BLK: variants seen among roughly 807,000 people sequenced by gnomAD.
BLK encodes the protein BLK proto-oncogene, Src family tyrosine kinase, also known as tyrosine-protein kinase Blk.
In BLK, 64 loss-of-function variants were observed where a neutral mutation model predicts 61.8. The observed-to-expected ratio is 1.03, with a 90% CI of 0.85 to 1.27. BLK has a LOEUF of 1.27. Ranked by LOEUF, BLK falls within the 50% of genes most tolerant of loss-of-function variation. The pLI is 0.00. For synonymous variants in BLK, 351 were observed against 272.0 expected (o/e 1.29, Z -2.86); for missense variants, 853 against 660.5 (o/e 1.29, Z -3.19).
chr8:11,512,921 C>A (rs1799073624), intron 1 of BLK, among the ~76,000 whole-genome samples: 1 of 152,216 alleles, frequency 6.6e-6, no homozygotes, highest in Admixed American at 6.5e-5. Flanking sequence ...CCCGCTTCGG[C>A]CTCCCAGACT....
intron 11 of BLK, among the ~76,000 whole-genome samples, chr8:11,561,826 A>ATTT (rs71203399): frequency 2.7e-5 from 4 of 146,138 alleles, no homozygotes; most frequent in Non-Finnish European, 3.0e-5. Context: ...TCCAAATACT[A>ATTT]TTTTTTTTTT....
chr8:11,536,998 G>A (rs538363051), intron 1 of BLK, among the ~76,000 whole-genome samples: 1 of 152,126 alleles, frequency 6.6e-6, no homozygotes, highest in African/African-American at 2.4e-5. Context: ...ATAGTTCATG[G>A]TTGACAGCAA....
In BLK at chr8:11,543,215, C is replaced by A; in HGVS notation, c.-1-9C>A. The A allele has an allele frequency of 6.2e-7, 1 of 1,613,726 alleles. No individual in the cohort carries two copies. The stretch of plus-strand genomic sequence containing the variant: ...CTCATGTCCTCTGTCTGCTGTGTGT[C>A]TCCGACAGGATGGGGCTGGTAAGTA... On this transcript the variant is annotated splice_polypyrimidine_tract_variant and intron_variant, in intron 1 of 12. Coordinates refer to ENST00000259089, the MANE Select transcript of BLK (RefSeq NM_001715.3).
chr8:11,527,852 G>C (rs909010829), intron 1 of BLK, among the ~76,000 whole-genome samples: 3 of 152,004 alleles, frequency 2.0e-5, no homozygotes, highest in Non-Finnish European at 4.4e-5. Flanking sequence ...AAATGGGGGA[G>C]TCAGAAATCT....
chr8:11,555,337 G>C lies in BLK; in HGVS notation c.625G>C (p.Gly209Arg). ...TCTTTTCTTCCCTAATGCAGAGAAGGGGGATGGTCTATGCCAGAGGCTGAC... is the reference window on the plus strand; with the variant it reads ...TCTTTTCTTCCCTAATGCAGAGAAGCGGGATGGTCTATGCCAGAGGCTGAC... ...QALVQHYSKK[G>R]DGLCQRLTLP... Residue 209 changes from glycine to arginine, a missense_variant, in exon 8 of 13, where the codon GGG becomes CGG. By Grantham distance (125) the Gly-to-Arg change is moderately radical (BLOSUM62 -2). Coordinates refer to ENST00000259089, the MANE Select transcript of BLK (RefSeq NM_001715.3). The C allele has an allele frequency of 6.2e-7, 1 of 1,614,078 alleles. No homozygotes were observed. Among genetic ancestry groups the C allele is most frequent in the Non-Finnish European group, 8.5e-7 (1 of 1,180,022 alleles).
chr8:11,530,162 G>C (rs1799828386), intron 1 of BLK, among the ~76,000 whole-genome samples: 1 of 152,026 alleles, frequency 6.6e-6, no homozygotes, highest in Non-Finnish European at 1.5e-5. Flanking sequence ...TTTCTAACTG[G>C]CTTTGCTGGA....
At chr8:11,531,337 G>A (rs1012754201) in intron 1 of BLK, among the ~76,000 whole-genome samples, 1 of 151,926 alleles carries the variant, frequency 6.6e-6, no homozygotes. Flanking sequence ...AATTTTTCTT[G>A]TATACTTTAT....
chr8:11,532,875 G>A (rs1799946445), intron 1 of BLK, among the ~76,000 whole-genome samples: 1 of 152,252 alleles, frequency 6.6e-6, no homozygotes, highest in Non-Finnish European at 1.5e-5. Flanking sequence ...GTGGCACACT[G>A]TTAAGTTACC....
intron 1 of BLK, among the ~76,000 whole-genome samples, chr8:11,528,268 C>T (rs1799750088): frequency 6.6e-6 from 1 of 152,144 alleles, no homozygotes. Flanking sequence ...AACTCCTGAG[C>T]TCAAGTGATC....
intron 1 of BLK, among the ~76,000 whole-genome samples, chr8:11,500,620 A>G (rs896292071): frequency 2.6e-5 from 4 of 151,006 alleles, no homozygotes; most frequent in Admixed American, 2.6e-4. Context: ...AGCTCAGGCA[A>G]TCCTCCCACC....
chr8:11,537,153 T>C (rs139665122), intron 1 of BLK, among the ~76,000 whole-genome samples: 7 of 152,314 alleles, frequency 4.6e-5, no homozygotes, highest in Non-Finnish European at 1.0e-4. Flanking sequence ...AGTTGAGACA[T>C]GAAACATGAA....
At chr8:11,550,459 T>C (rs1439255505) in intron 6 of BLK, among the ~76,000 whole-genome samples, 197 bp downstream of exon 6, 1 of 152,228 alleles carries the variant, frequency 6.6e-6, no homozygotes, top group Non-Finnish European at 1.5e-5. Flanking sequence ...CTGTCCCGGC[T>C]GGAAACCACC....
At chr8:11,504,363 GGAAGAAAGAAAAGAAAAGAAAAGAAAAGA>G (rs142123788) in intron 1 of BLK, among the ~76,000 whole-genome samples, 2,841 of 102,174 alleles carry the variant, frequency 0.028, 43 homozygotes, top group African/African-American at 0.044. Flanking sequence ...AAGGAAGGAA[GGAAGAAAGAAAAGAAAAGAAAAGAAAAGA>G]AAAGAAAAGA....
chr8:11,532,520 T>C (rs1185792424), intron 1 of BLK, among the ~76,000 whole-genome samples: 3 of 152,132 alleles, frequency 2.0e-5, no homozygotes, highest in East Asian at 1.9e-4. Context: ...CTCTCTTTTT[T>C]CTTAATTTCA....
At chr8:11,543,202 G>A (rs1427586124) in intron 1 of BLK, 22 bp from the exon 2 acceptor site, 2 of 1,613,534 alleles carry the variant, frequency 1.2e-6, no homozygotes, top group Non-Finnish European at 1.7e-6. Context: ...CATGTCCTCT[G>A]TCTGCTGTGT....
At chr8:11,523,834 G>A (rs2729941) in intron 1 of BLK, among the ~76,000 whole-genome samples, 151,794 of 151,794 alleles carry the variant, frequency 1, 75,897 homozygotes, top group Non-Finnish European at 1. Flanking sequence ...CAGATTGACA[G>A]AGTTGTTTTT....
intron 9 of BLK, 81 bp downstream of exon 9, chr8:11,556,918 G>T: frequency 3.4e-6 from 5 of 1,469,226 alleles, no homozygotes; most frequent in Non-Finnish European, 4.6e-6. Context: ...CCGCTGCGGT[G>T]GGTTCACCAG....
chr8:11,519,362 A>C (rs1484430729), intron 1 of BLK, among the ~76,000 whole-genome samples: 1 of 152,192 alleles, frequency 6.6e-6, no homozygotes, highest in Non-Finnish European at 1.5e-5. Context: ...CACGGTATTG[A>C]ACCAAAGCAA....
At chr8:11,528,487 T>C (rs1348270714) in intron 1 of BLK, among the ~76,000 whole-genome samples, 5 of 152,164 alleles carry the variant, frequency 3.3e-5, no homozygotes, top group African/African-American at 1.2e-4. Flanking sequence ...TTTGCAAAGG[T>C]AGTTTCAATC....
Sources: allele counts gnomAD v4.1 joint callset (sites outside exome capture counted in the v4.1 genomes callset), GRCh38; gene constraint gnomAD v4.1.1; transcripts MANE v1.5; gene names NCBI Gene and HGNC (gene_info 2026-07-23, HGNC 2026-07-21).